MRPL19: variants seen among roughly 807,000 people sequenced by gnomAD.
MRPL19 encodes the protein large ribosomal subunit protein bL19m.
In MRPL19, 31 loss-of-function variants were observed where a neutral mutation model predicts 34.0. The observed-to-expected ratio is 0.91, with a 90% CI of 0.68 to 1.23. MRPL19 has a LOEUF of 1.23. Ranked by LOEUF, MRPL19 falls within the 50% of genes most tolerant of loss-of-function variation. The pLI, the probability that MRPL19 is intolerant of heterozygous loss-of-function variation, is 0.00. For synonymous variants in MRPL19, 152 were observed against 127.7 expected (o/e 1.19, Z -1.28); for missense variants, 384 against 367.6 (o/e 1.04, Z -0.37).
Position 75,655,518 on chromosome 2 carries a change from CA to C in MRPL19, c.*235del, listed in dbSNP as rs1678429605. 1 of 393,580 alleles carries C rather than the reference CA, an allele frequency of 2.5e-6. No homozygotes were observed. Among genetic ancestry groups the C allele is most frequent in the South Asian group, 4.2e-5 (1 of 23,988 alleles). 24.4% of individuals were successfully genotyped at this position (393,580 alleles called of 1,614,324 possible). On this transcript the variant is annotated 3_prime_UTR_variant, in exon 6 of 6. Transcript: ENST00000393909. The stretch of plus-strand genomic sequence containing the variant: ...CATTTGCTTATTGGAGGCAAAGCTA[CA>C]ATAGAAGTCAGAGCATCACCAGAAT...
At chr2:75,649,703 T>C (rs1341091846) in intron 2 of MRPL19, among the ~76,000 whole-genome samples, 2 of 152,122 alleles carry the variant, frequency 1.3e-5, no homozygotes, top group Non-Finnish European at 2.9e-5. Context: ...TGCAGTGGCA[T>C]GATCTTGGCT....
Position 75,652,531 on chromosome 2 carries a change from C to G in MRPL19, c.349C>G (p.Leu117Val). 6.2e-7 allele frequency: 1 copy of G among 1,610,618 alleles called. No homozygotes were observed. ...HIPEFYVGSILRVTTADPYAS... is the reference protein window; with the variant it reads ...HIPEFYVGSIVRVTTADPYAS... ...CTCTTTTGAATTTGTAGGAAGTATT[C>G]TTCGTGTTACTACAGCTGACCCATA... Residue 117 changes from leucine (L) to valine (V), a missense_variant, in exon 4 of 6, where the codon CTT becomes GTT. Physicochemically the swap from Leu to Val is conservative, Grantham distance 32. Transcript: ENST00000393909.
chr2:75,652,260 G>T lies in MRPL19; in HGVS notation c.340G>T (p.Gly114Ter). 6.5e-7 allele frequency: 1 copy of T among 1,531,590 alleles called. No homozygotes were observed. The allele number at this position is 1,531,590 out of a possible 1,614,324, so 94.9% of individuals were successfully genotyped here. A position where few individuals can be genotyped will look rare whatever the true frequency, so the allele number is the denominator to read the frequency against. Residue 114 changes from glycine (G) to a stop codon, truncating the protein, a stop_gained and splice_region_variant, in exon 3 of 6, where the codon GGA becomes TGA. Coordinates refer to ENST00000393909, the MANE Select transcript of MRPL19 (RefSeq NM_014763.4). LOFTEE classifies it high-confidence loss of function. ...KVLHIPEFYV[G>*]SILRVTTADP... ...ACTCCACATTCCAGAGTTCTATGTT[G>T]GTCAGTAAGAGCTGTATGTTTTTAT...
At chr2:75,654,101 C>G (rs139820015) in intron 4 of MRPL19, among the ~76,000 whole-genome samples, 1 of 152,058 alleles carries the variant, frequency 6.6e-6, no homozygotes, top group Non-Finnish European at 1.5e-5. Flanking sequence ...TCTCACAGTT[C>G]GGGAGGCTGG....
Position 75,656,719 on chromosome 2 carries a change from T to G in MRPL19, c.*1434T>G, listed in dbSNP as rs1678462884. On this transcript the variant is annotated 3_prime_UTR_variant, in exon 6 of 6. Transcript: ENST00000393909. The stretch of plus-strand genomic sequence containing the variant: ...TTCCCCATCATAAATTTCATGATGA[T>G]GTGTCTTGGTGTGGGTCTATATTTA... 6.6e-6 allele frequency: 1 copy of G among 152,188 alleles called. No individual in the cohort carries two copies. The highest frequency in any genetic ancestry group is 2.1e-4 in the South Asian group (1 of 4,834). The allele number at this position is 152,188 out of a possible 1,614,324, so 9.4% of individuals were successfully genotyped here. A position where few individuals can be genotyped will look rare whatever the true frequency, so the allele number is the denominator to read the frequency against.
Position 75,647,197 on chromosome 2 carries a change from C to A in MRPL19, c.199C>A (p.Arg67Ser), listed in dbSNP as rs1203525562. 3 of 1,580,440 alleles carry A rather than the reference C, an allele frequency of 1.9e-6. No homozygotes were observed. In the Admixed American group the frequency reaches 5.4e-5, roughly 28 times the overall value. Residue 67 changes from arginine to serine, a missense_variant, in exon 2 of 6, where the codon CGC (arginine) becomes AGC (serine). Arg to Ser is a moderately radical substitution (Grantham distance 110, BLOSUM62 -1). Transcript: ENST00000393909. ...GAAACCGGTCATCGTGGACAAGCAC[C>A]GCCCCGTGGAACCGGAACGCAGGTG... Reference protein sequence around the residue: ...PPKPVIVDKHRPVEPERRFLS... With the variant: ...PPKPVIVDKHSPVEPERRFLS...
rs1032986045 is a variant in MRPL19, at chr2:75,659,651, T to G, written c.*4366T>G. On this transcript the variant is annotated 3_prime_UTR_variant, in exon 6 of 6. Transcript: ENST00000393909. ...GGATAATTTTGCCAGATACATGAAT[T>G]TTTGGTAACAGTATTTTTCTTTCAG... Among the ~76,000 whole-genome samples the G allele has an allele frequency of 6.6e-6, 1 of 152,144 alleles. No homozygotes were observed. The highest frequency in any genetic ancestry group is 2.1e-4 in the South Asian group (1 of 4,828).
chr2:75,650,118 AAATTTAGGATAGT>A (rs1678301891), intron 2 of MRPL19, among the ~76,000 whole-genome samples: 1 of 152,224 alleles, frequency 6.6e-6, no homozygotes, highest in Non-Finnish European at 1.5e-5. Flanking sequence ...AATAATCACC[AAATTTAGGATAGT>A]AATGAACTAT....
chr2:75,653,053 T>C (rs1359309036), intron 4 of MRPL19, among the ~76,000 whole-genome samples: 1 of 152,256 alleles, frequency 6.6e-6, no homozygotes, highest in Non-Finnish European at 1.5e-5. Context: ...ACCCACATTT[T>C]ACTTTATGTT....
In MRPL19 at chr2:75,654,920, A is replaced by G. The variant is rs1440731857; in HGVS notation, c.657+3A>G. The G allele has an allele frequency of 4.4e-6, 7 of 1,606,926 alleles. No homozygotes were observed. Among genetic ancestry groups the G allele is most frequent in the South Asian group, 1.1e-5 (1 of 89,720 alleles). On this transcript the variant is annotated splice_donor_region_variant and intron_variant, in intron 5 of 5. Coordinates refer to ENST00000393909, the MANE Select transcript of MRPL19 (RefSeq NM_014763.4). Reference sequence around the variant, plus strand: ...ACCAAAAAGTTCCTGTTAATGAGGTATGGGTTATACATTTGAAACTAGAAG... The same window carrying G: ...ACCAAAAAGTTCCTGTTAATGAGGTGTGGGTTATACATTTGAAACTAGAAG...
At chr2:75,651,926 T>G in intron 2 of MRPL19, 1 of 355,946 alleles carries the variant, frequency 2.8e-6, no homozygotes, top group South Asian at 4.9e-5. Context: ...ATGCTATAGA[T>G]GTTTCATAAA....
Position 75,652,241 on chromosome 2 carries a change from C to A in MRPL19, c.321C>A (p.His107Gln). The A allele has an allele frequency of 6.3e-7, 1 of 1,580,562 alleles. No individual in the cohort carries two copies. The highest frequency in any genetic ancestry group is 1.8e-5 in the Admixed American group (1 of 57,134). The change falls in exon 3 of 6, where the codon CAC becomes CAA. Residue 107 changes from histidine to glutamine, a missense_variant. His to Gln is a conservative substitution (Grantham distance 24). Coordinates refer to ENST00000393909, the MANE Select transcript of MRPL19 (RefSeq NM_014763.4). ...KDMLERRKVLHIPEFYVGSIL... is the reference protein window; with the variant it reads ...KDMLERRKVLQIPEFYVGSIL... ...TGTTAGAAAGGAGAAAAGTACTCCA[C>A]ATTCCAGAGTTCTATGTTGGTCAGT... is the stretch of plus-strand genomic sequence containing the variant.
At chr2:75,650,861 C>T (rs1175760901) in intron 2 of MRPL19, among the ~76,000 whole-genome samples, 1 of 152,248 alleles carries the variant, frequency 6.6e-6, no homozygotes, top group Admixed American at 6.5e-5. Flanking sequence ...GATACAACCA[C>T]GAGACCCCAG....
chr2:75,654,679 A>G, intron 4 of MRPL19, 57 bp from the exon 5 acceptor site: 1 of 1,509,706 alleles, frequency 6.6e-7, no homozygotes, highest in Admixed American at 1.9e-5. Flanking sequence ...CTGCAGTATG[A>G]AACATGTATA....
At chr2:75,652,372 A>T in intron 3 of MRPL19, 112 bp downstream of exon 3, 1 of 1,281,130 alleles carries the variant, frequency 7.8e-7, no homozygotes, top group Non-Finnish European at 1.1e-6. Flanking sequence ...TATCTGGGTT[A>T]TGCTCATATG....
Position 75,654,928 on chromosome 2 carries a change from T to C in MRPL19, c.657+11T>C, listed in dbSNP as rs1358340578. 6 of 1,584,696 alleles carry C rather than the reference T, an allele frequency of 3.8e-6. No homozygotes were observed. The highest frequency in any genetic ancestry group is 1.4e-5 in the African/African-American group (1 of 73,182). On this transcript the variant is annotated intron_variant, in intron 5 of 5. Coordinates refer to ENST00000393909, the MANE Select transcript of MRPL19 (RefSeq NM_014763.4). ...GTTCCTGTTAATGAGGTATGGGTTATACATTTGAAACTAGAAGTTCAAGTA... is the reference window on the plus strand; with the variant it reads ...GTTCCTGTTAATGAGGTATGGGTTACACATTTGAAACTAGAAGTTCAAGTA...
At chr2:75,650,937 C>T (rs115988594) in intron 2 of MRPL19, among the ~76,000 whole-genome samples, 1,532 of 152,188 alleles carry the variant, frequency 0.01, 14 homozygotes, top group South Asian at 0.028. Flanking sequence ...CAAGGAAGCA[C>T]ACTAGAAAGG....
chr2:75,651,203 A>G, intron 2 of MRPL19: 1 of 389,552 alleles, frequency 2.6e-6, no homozygotes, highest in Non-Finnish European at 5.1e-6. Context: ...CTTCAGTTCG[A>G]TCTGTTAATC....
Position 75,658,171 on chromosome 2 carries a change from C to G in MRPL19, c.*2886C>G, listed in dbSNP as rs1462363812. On this transcript the variant is annotated 3_prime_UTR_variant, in exon 6 of 6. Transcript: ENST00000393909. ...CTCATTGCAGCCTCAAAATCCTGGG[C>G]TCAAGCAATCCTCCTTGAGTAGCTA... 6.6e-6 allele frequency among the ~76,000 whole-genome samples: 1 copy of G among 152,056 alleles called. No individual in the cohort carries two copies. The highest frequency in any genetic ancestry group is 1.5e-5 in the Non-Finnish European group (1 of 67,978).
Sources: allele counts gnomAD v4.1 joint callset (sites outside exome capture counted in the v4.1 genomes callset), GRCh38; gene constraint gnomAD v4.1.1; transcripts MANE v1.5; gene names NCBI Gene and HGNC (gene_info 2026-07-23, HGNC 2026-07-21).